The following FCHO2 variants were observed in gnomAD, a reference collection of about 807,000 sequenced individuals.
The protein encoded by FCHO2 is FCH and mu domain containing endocytic adaptor 2, also known as F-BAR domain only protein 2.
In FCHO2, 43 loss-of-function variants were observed where a neutral mutation model predicts 114.1. The ratio of observed to expected loss-of-function variants is 0.38; its 90% CI spans 0.30 to 0.49. The LOEUF is 0.49. FCHO2 is among the 20% of genes least tolerant of loss of function. FCHO2 has a pLI of 0.97. For missense variants in FCHO2, 807 were observed against 950.4 expected (o/e 0.85, Z 1.98); for synonymous variants, 293 against 315.2 (o/e 0.93, Z 0.75).
chr5:73,051,223 T>C, intron 11 of FCHO2, 126 bp from the exon 12 acceptor site: 1 of 592,290 alleles, frequency 1.7e-6, no homozygotes, highest in Non-Finnish European at 2.9e-6. Flanking sequence ...TGTTCATCAT[T>C]TCATTAACCT....
intron 11 of FCHO2, among the ~76,000 whole-genome samples, chr5:73,044,938 G>T (rs948719284): frequency 6.6e-6 from 1 of 152,126 alleles, no homozygotes; most frequent in African/African-American, 2.4e-5. Context: ...GATTGAATGG[G>T]TAAAGATGAA....
intron 11 of FCHO2, among the ~76,000 whole-genome samples, chr5:73,050,611 C>T (rs974353864): frequency 1.8e-4 from 28 of 152,188 alleles, no homozygotes; most frequent in African/African-American, 5.5e-4. Flanking sequence ...GCCACTGCAC[C>T]GGGCCCGCTT....
At chr5:73,084,815 T>A (rs534815077) in intron 24 of FCHO2, among the ~76,000 whole-genome samples, 1 of 152,314 alleles carries the variant, frequency 6.6e-6, no homozygotes, top group South Asian at 2.1e-4. Context: ...TCTTTTTTGC[T>A]GTTTGGTACT....
intron 2 of FCHO2, among the ~76,000 whole-genome samples, chr5:72,973,334 T>C (rs923098372): frequency 6.6e-6 from 1 of 152,176 alleles, no homozygotes; most frequent in African/African-American, 2.4e-5. Flanking sequence ...TCTGGTCCTG[T>C]ACTCTTTTTG....
At position 73,055,577 on chromosome 5, in the gene FCHO2, C is replaced by T. The variant is rs188460664; in HGVS notation, c.1211-488C>T. On this transcript the variant is annotated intron_variant, in intron 15 of 25. Coordinates refer to ENST00000430046, the MANE Select transcript of FCHO2 (RefSeq NM_138782.3). ...TCCAAAAGGTAGCAAAACAAACTAT[C>T]TTATAAAGAGACTTGCTCCAGGTTG... 2.8e-4 allele frequency among the ~76,000 whole-genome samples: 43 copies of T among 152,302 alleles called. No individual in the cohort carries two copies. The East Asian group carries it at 7.9e-3, about 28-fold the overall frequency.
At chr5:73,086,138 C>T (rs548207870) in intron 24 of FCHO2, among the ~76,000 whole-genome samples, 1 of 151,322 alleles carries the variant, frequency 6.6e-6, no homozygotes, top group Non-Finnish European at 1.5e-5. Flanking sequence ...AAAAAAAACA[C>T]AAAAAATTCT....
chr5:72,977,239 C>G (rs4703590), intron 2 of FCHO2, among the ~76,000 whole-genome samples: 1,628 of 152,296 alleles, frequency 0.011, 61 homozygotes, highest in Admixed American at 0.07. Context: ...TACACTCCCA[C>G]CAGCAGTGTA....
intron 25 of FCHO2, among the ~76,000 whole-genome samples, 155 bp downstream of exon 25, chr5:73,087,908 A>G (rs1156731894): frequency 6.6e-6 from 1 of 152,188 alleles, no homozygotes. Flanking sequence ...CACCTGGGAG[A>G]GAGTTCTTAC....
intron 14 of FCHO2, 123 bp downstream of exon 14, chr5:73,054,294 A>G (rs1378398580): frequency 8.4e-6 from 8 of 956,898 alleles, no homozygotes; most frequent in African/African-American, 5.0e-5. Flanking sequence ...TTTGTTGTAG[A>G]TGTTGCTTTA....
chr5:72,957,235 TCC>T (rs1491453104), intron 1 of FCHO2, among the ~76,000 whole-genome samples: 21,021 of 152,226 alleles, frequency 0.14, 1,629 homozygotes, highest in East Asian at 0.34. Context: ...AGTTCACATT[TCC>T]GTACCAATAC....
At position 72,968,534 on chromosome 5, in the gene FCHO2, A is replaced by G. The variant is rs1242578544; in HGVS notation, c.70A>G (p.Asn24Asp). 8 of 1,550,504 alleles carry G rather than the reference A, an allele frequency of 5.2e-6. No individual in the cohort carries two copies. Among genetic ancestry groups the G allele is most frequent in the African/African-American group, 1.4e-5 (1 of 71,094 alleles). The change falls in exon 2 of 26, where the codon AAT becomes GAT. Residue 24 changes from asparagine to aspartate, a missense_variant. Transcript: ENST00000430046. Reference sequence around the variant, plus strand: ...TAGTGGCTTTGATGTCCTCTACCATAATATGAAACATGGACAGATATCAAC... The same window carrying G: ...TAGTGGCTTTGATGTCCTCTACCATGATATGAAACATGGACAGATATCAAC... ...KNSGFDVLYH[N>D]MKHGQISTKE... is the part of the protein sequence containing the mutation.
chr5:73,009,506 T>C (rs963377112), intron 6 of FCHO2, among the ~76,000 whole-genome samples: 8 of 152,220 alleles, frequency 5.3e-5, no homozygotes, highest in African/African-American at 1.9e-4. Flanking sequence ...GGCATTTTAA[T>C]TGTTCATCCT....
chr5:73,073,940 A>C (rs1457621636), intron 19 of FCHO2, among the ~76,000 whole-genome samples: 1 of 152,088 alleles, frequency 6.6e-6, no homozygotes, highest in Non-Finnish European at 1.5e-5. Context: ...AAATGCTCCC[A>C]CTTTGGAAAA....
intron 1 of FCHO2, among the ~76,000 whole-genome samples, chr5:72,967,101 C>A (rs1752244714): frequency 6.6e-6 from 1 of 152,180 alleles, no homozygotes; most frequent in South Asian, 2.1e-4. Context: ...GCCTGGCCAA[C>A]ATGGCAAAAC....
At chr5:72,982,203 C>G (rs1193410784) in intron 2 of FCHO2, among the ~76,000 whole-genome samples, 2 of 152,126 alleles carry the variant, frequency 1.3e-5, no homozygotes, top group Non-Finnish European at 2.9e-5. Flanking sequence ...TAGGGTGATG[C>G]CCCGTCCTGC....
chr5:73,066,738 A>G (rs1375130832), intron 18 of FCHO2, among the ~76,000 whole-genome samples: 8 of 151,932 alleles, frequency 5.3e-5, no homozygotes, highest in Admixed American at 5.3e-4. Context: ...GTACCAGATC[A>G]GTAGCATTAG....
chr5:73,055,821 A>G (rs1466833204), intron 15 of FCHO2, among the ~76,000 whole-genome samples: 1 of 152,198 alleles, frequency 6.6e-6, no homozygotes, highest in Non-Finnish European at 1.5e-5. Flanking sequence ...TTTAATGAAT[A>G]TCATAGTTTA....
rs114846335 is a variant in FCHO2 at position 73,075,704 on chromosome 5, C to T, written c.1691+851C>T. ...AGAGAGAAAGTTAGAAAATTAATTA[C>T]AGAAGTCCAGGTGAGAGATAATGGT... On this transcript the variant is annotated intron_variant, in intron 20 of 25. Coordinates refer to ENST00000430046, the MANE Select transcript of FCHO2 (RefSeq NM_138782.3). Among the ~76,000 whole-genome samples, 996 of 152,160 alleles carry T rather than the reference C, an allele frequency of 6.5e-3. 11 individuals carry two copies. Among genetic ancestry groups the T allele is most frequent in the African/African-American group, 0.023 (956 of 41,524 alleles).
intron 19 of FCHO2, among the ~76,000 whole-genome samples, chr5:73,071,336 A>C (rs1259190654): frequency 1.3e-5 from 2 of 152,090 alleles, no homozygotes; most frequent in Non-Finnish European, 2.9e-5. Flanking sequence ...AAAACCTCTA[A>C]TACCTAAATT....
Sources: allele counts gnomAD v4.1 joint callset (sites outside exome capture counted in the v4.1 genomes callset), GRCh38; gene constraint gnomAD v4.1.1; transcripts MANE v1.5; gene names NCBI Gene and HGNC (gene_info 2026-07-23, HGNC 2026-07-21).